Variants in STAT3 observed in about 807,000 individuals in gnomAD.
STAT3 encodes the protein signal transducer and activator of transcription 3.
Under a neutral mutation model 114.3 loss-of-function variants are expected in STAT3, and 7 were observed. That is an observed-to-expected ratio of 0.06 (90% CI 0.03 to 0.11). The LOEUF (loss-of-function observed/expected upper bound fraction) is 0.11, where lower values mean the gene tolerates loss of function less well. Among genes scored for constraint, STAT3 ranks in the 10% least tolerant of loss-of-function variants. The pLI is 1.00. For missense variants in STAT3, 364 were observed against 960.9 expected, an observed-to-expected ratio of 0.38 and a Z score of 8.21; for synonymous variants, 331 against 354.5, an observed-to-expected ratio of 0.93 and a Z score of 0.74.
intron 1 of STAT3, among the ~76,000 whole-genome samples, chr17:42,373,902 A>T (rs1471049006): frequency 4.7e-5 from 7 of 148,248 alleles, no homozygotes; most frequent in African/African-American, 1.7e-4. Flanking sequence ...AAAAAAAAAA[A>T]TTAATTGAGC....
At chr17:42,347,969 A>G (rs2082772076) in intron 2 of STAT3, among the ~76,000 whole-genome samples, 2 of 152,232 alleles carry the variant, frequency 1.3e-5, no homozygotes, top group African/African-American at 2.4e-5. Context: ...TAGCAAATTG[A>G]GAACAGACTA....
intron 14 of STAT3, among the ~76,000 whole-genome samples, chr17:42,327,850 A>C (rs2081799773): frequency 6.6e-6 from 1 of 152,140 alleles, no homozygotes; most frequent in South Asian, 2.1e-4. Flanking sequence ...GTTCAAGACC[A>C]GCCTGACCAA....
At chr17:42,342,867 T>G (rs1043928476) in intron 4 of STAT3, among the ~76,000 whole-genome samples, 8 of 152,068 alleles carry the variant, frequency 5.3e-5, no homozygotes, top group Non-Finnish European at 1.2e-4. Context: ...CTTTCTACAC[T>G]TCTCCCAAGA....
chr17:42,319,065 A>G (rs1379916050), intron 21 of STAT3, among the ~76,000 whole-genome samples: 1 of 152,028 alleles, frequency 6.6e-6, no homozygotes, highest in Admixed American at 6.5e-5. Flanking sequence ...ACATGGGGAA[A>G]CCCTGTCTTT....
chr17:42,387,194 G>A (rs1229885735), intron 1 of STAT3: 1 of 152,142 alleles, frequency 6.6e-6, no homozygotes, highest in African/African-American at 2.4e-5. Context: ...ACTAACCACT[G>A]ATTTTGTCAC....
chr17:42,349,159 T>A (rs1335513227), intron 1 of STAT3, among the ~76,000 whole-genome samples: 1 of 152,230 alleles, frequency 6.6e-6, no homozygotes, highest in Non-Finnish European at 1.5e-5. Flanking sequence ...CCACCCCATC[T>A]GGCCACACAT....
intron 15 of STAT3, 199 bp from the exon 16 acceptor site, chr17:42,325,260 AC>A (rs2081656210): frequency 1.7e-6 from 1 of 578,664 alleles, no homozygotes; most frequent in African/African-American, 1.9e-5. Context: ...TGGCCACACA[AC>A]TCAGGCTGCA....
chr17:42,337,527 G>A lies in STAT3; in HGVS notation c.705C>T (p.Leu235=). 1.2e-6 allele frequency: 2 copies of A among 1,614,198 alleles called. No homozygotes were observed. Residue 235 remains leucine (L), a synonymous_variant, in exon 8 of 24, where the codon CTC becomes CTT. Coordinates refer to ENST00000264657, the MANE Select transcript of STAT3 (RefSeq NM_139276.3). This position sits in a 1 kb window ranked among gnomAD's most constrained non-coding sequence, Gnocchi z 4.0. The part of the protein sequence containing the change: ...LSAMEYVQKT[L]TDEELADWKR... ...TCCAGTCAGCCAGCTCCTCGTCCGT[G>A]AGAGTTTTCTGCACGTACTCCATCG... is the stretch of plus-strand genomic sequence containing the variant.
At chr17:42,348,316 G>T in intron 2 of STAT3, 73 bp downstream of exon 2, 1 of 1,592,654 alleles carries the variant, frequency 6.3e-7, no homozygotes, top group South Asian at 1.1e-5. Flanking sequence ...AGCAAGGCAT[G>T]ACATTAAGAG....
Position 42,337,677 on chromosome 17 carries a change from GA to G in STAT3, c.645+85del, listed in dbSNP as rs1217217952. The G allele has an allele frequency of 6.2e-7, 1 of 1,613,724 alleles. No individual in the cohort carries two copies. The highest frequency in any genetic ancestry group is 8.5e-7 in the Non-Finnish European group (1 of 1,179,708). On this transcript the variant is annotated intron_variant, in intron 7 of 23. Coordinates refer to ENST00000264657, the MANE Select transcript of STAT3 (RefSeq NM_139276.3). The surrounding 1 kb of genome is among the most constrained non-coding windows in gnomAD (Gnocchi z 4.0). ...TCAACTCCAGAGCAGGAACTTCTTA[GA>G]AACCAAGCAAGTTCTGCCACAAGAC...
At chr17:42,356,937 G>A (rs1017204723) in intron 1 of STAT3, among the ~76,000 whole-genome samples, 6 of 152,010 alleles carry the variant, frequency 3.9e-5, no homozygotes, top group African/African-American at 4.8e-5. Context: ...ACAGGCATGC[G>A]CCATCATACC....
chr17:42,351,144 A>G (rs893601487), intron 1 of STAT3, among the ~76,000 whole-genome samples: 13 of 150,746 alleles, frequency 8.6e-5, no homozygotes, highest in South Asian at 2.1e-4. Flanking sequence ...AAAAAAAAAA[A>G]AAAGAAAAGA....
chr17:42,370,790 A>G (rs2145252509), intron 1 of STAT3, among the ~76,000 whole-genome samples: 1 of 143,946 alleles, frequency 6.9e-6, no homozygotes, highest in Admixed American at 6.9e-5. Flanking sequence ...TTTTTTTAGT[A>G]GAGGTGGGGT....
rs2144692785 is a variant in STAT3, at chr17:42,323,080, G to A, written c.1812C>T (p.Gly604=). ...ERAILSTKPP[G]TFLLRFSESS... ...TTTCACTGAATCTTAGCAGGAAGGT[G>A]CCTGGAGGCTTAGTGCTCAAGATGG... The change falls in exon 20 of 24, where the codon GGC becomes GGT. Residue 604 remains glycine, a synonymous_variant. Coordinates refer to ENST00000264657, the MANE Select transcript of STAT3 (RefSeq NM_139276.3). 1 of 1,614,216 alleles carries A rather than the reference G, an allele frequency of 6.2e-7. No homozygotes were observed. The highest frequency in any genetic ancestry group is 8.5e-7 in the Non-Finnish European group (1 of 1,180,032).
At position 42,322,991 on chromosome 17, in the gene STAT3, G is replaced by A. The variant is rs1211139802; in HGVS notation, c.1888+13C>T. 1.2e-6 allele frequency: 2 copies of A among 1,612,972 alleles called. No homozygotes were observed. Among genetic ancestry groups the A allele is most frequent in the African/African-American group, 1.3e-5 (1 of 74,870 alleles). Reference sequence around the variant, plus strand: ...AGCCACCAGCAGGTGGGGTGGGTGGGAGCCTCCCTTACCGCTGATGTCCTT... The same window carrying A: ...AGCCACCAGCAGGTGGGGTGGGTGGAAGCCTCCCTTACCGCTGATGTCCTT... On this transcript the variant is annotated intron_variant, in intron 20 of 23. Coordinates refer to ENST00000264657, the MANE Select transcript of STAT3 (RefSeq NM_139276.3).
chr17:42,337,686 C>T lies in STAT3; in HGVS notation c.645+77G>A. 2 of 1,613,062 alleles carry T rather than the reference C, an allele frequency of 1.2e-6. No individual in the cohort carries two copies. Among genetic ancestry groups the T allele is most frequent in the South Asian group, 2.2e-5 (2 of 91,010 alleles). On this transcript the variant is annotated intron_variant, in intron 7 of 23. Coordinates refer to ENST00000264657, the MANE Select transcript of STAT3 (RefSeq NM_139276.3). The surrounding 1 kb of genome is among the most constrained non-coding windows in gnomAD (Gnocchi z 4.0). ...GAGCAGGAACTTCTTAGAAACCAAG[C>T]AAGTTCTGCCACAAGACGCTGAAAT...
rs1268424228 is a variant in STAT3, at chr17:42,314,981, C to G, written c.*764G>C. 5.6e-6 allele frequency: 1 copy of G among 177,154 alleles called. No homozygotes were observed. The highest frequency in any genetic ancestry group is 1.2e-5 in the Non-Finnish European group (1 of 82,628). The allele number at this position is 177,154 out of a possible 1,614,324, so 11.0% of individuals were successfully genotyped here. The stretch of plus-strand genomic sequence containing the variant: ...GTTCAAGCGATTCTCCTGCCTCAGC[C>G]TCCCGAGTAGCTGGGACTACAGGCG... On this transcript the variant is annotated 3_prime_UTR_variant, in exon 24 of 24. Coordinates refer to ENST00000264657, the MANE Select transcript of STAT3 (RefSeq NM_139276.3).
intron 21 of STAT3, among the ~76,000 whole-genome samples, chr17:42,320,769 T>C (rs908069864): frequency 2.7e-5 from 4 of 146,326 alleles, no homozygotes; most frequent in Non-Finnish European, 6.0e-5. Flanking sequence ...GGCTTTATGA[T>C]TACAGAAAGT....
chr17:42,361,549 G>T (rs1021966373), intron 1 of STAT3, among the ~76,000 whole-genome samples: 4 of 151,858 alleles, frequency 2.6e-5, no homozygotes, highest in Non-Finnish European at 4.4e-5. Flanking sequence ...ATTTTTTCGT[G>T]ATCATTAATA....
Sources: gnomAD v4.1 joint callset for allele counts (sites outside exome capture counted in the v4.1 genomes callset) on GRCh38, gnomAD v4.1.1 for gene constraint, Gnocchi (gnomAD v3.1) non-coding constraint, MANE v1.5 for transcripts, NCBI Gene and HGNC (gene_info 2026-07-23, HGNC 2026-07-21) for gene names.